ESR1: variants seen among roughly 807,000 people sequenced by gnomAD.
The protein encoded by ESR1 is estrogen receptor 1.
ESR1 carries 12 observed loss-of-function variants against 52.7 expected under a neutral mutation model. The ratio of observed to expected loss-of-function variants is 0.23; its 90% CI spans 0.15 to 0.37. The LOEUF is 0.37. Among genes scored for constraint, ESR1 ranks in the 10% least tolerant of loss-of-function variants. The pLI is 1.00. For synonymous variants in ESR1, 305 were observed against 316.8 expected, an observed-to-expected ratio of 0.96 and a Z score of 0.39; for missense variants, 584 against 779.7, an observed-to-expected ratio of 0.75 and a Z score of 2.99.
At chr6:151,901,318 C>G (rs1332784239) in intron 3 of ESR1, among the ~76,000 whole-genome samples, 3 of 152,182 alleles carry the variant, frequency 2.0e-5, no homozygotes, top group Non-Finnish European at 2.9e-5. Flanking sequence ...AGTTTGTTTG[C>G]AGGCAGCGGA....
At chr6:152,105,364 A>T (rs957288950), downstream of ESR1, among the ~76,000 whole-genome samples, 7 of 151,790 alleles carry the variant, frequency 4.6e-5, no homozygotes, top group Admixed American at 2.6e-4. Flanking sequence ...GAAAACCTTT[A>T]ACCTTTTCCC....
chr6:152,085,078 A>G (rs966256189), intron 6 of ESR1, among the ~76,000 whole-genome samples: 4 of 152,198 alleles, frequency 2.6e-5, no homozygotes, highest in Non-Finnish European at 5.9e-5. Context: ...TTGGTGTATC[A>G]GGTCAGGAGT....
chr6:152,010,679 A>C (rs1383346814), intron 4 of ESR1, among the ~76,000 whole-genome samples: 1 of 152,142 alleles, frequency 6.6e-6, no homozygotes, highest in Non-Finnish European at 1.5e-5. Flanking sequence ...TATAGTGTCC[A>C]TTGTGGTCAA....
intron 2 of ESR1, among the ~76,000 whole-genome samples, chr6:151,709,544 T>G (rs1780429974): frequency 6.6e-6 from 1 of 152,198 alleles, no homozygotes; most frequent in Admixed American, 6.5e-5. Context: ...GATTACTGTT[T>G]TCCATAGTGG....
At chr6:151,970,838 G>A (rs115938948) in intron 4 of ESR1, among the ~76,000 whole-genome samples, 1 of 152,210 alleles carries the variant, frequency 6.6e-6, no homozygotes, top group African/African-American at 2.4e-5. Flanking sequence ...CTCCCCTTCA[G>A]AGTGCCCATT....
At chr6:151,787,034 C>T (rs1004000300) in intron 2 of ESR1, among the ~76,000 whole-genome samples, 3 of 152,172 alleles carry the variant, frequency 2.0e-5, no homozygotes, top group Admixed American at 6.5e-5. Context: ...GTCGTGAACT[C>T]CTGACCTCAG....
upstream of ESR1, among the ~76,000 whole-genome samples, chr6:151,802,591 T>G (rs368716586): frequency 6.6e-6 from 1 of 152,242 alleles, no homozygotes; most frequent in African/African-American, 2.4e-5. Flanking sequence ...TTGTGAATCA[T>G]GCTGCCAAGA....
rs548035818 is a variant in ESR1, at chr6:152,029,711, C to T, written c.1235+17917C>T. Reference sequence around the variant, plus strand: ...GGGAGAATGGAACCAAGTTGGAAAACACTCTGCAGGATATTATCCAGGAGA... The same window carrying T: ...GGGAGAATGGAACCAAGTTGGAAAATACTCTGCAGGATATTATCCAGGAGA... On this transcript the variant is annotated intron_variant, in intron 5 of 7. Coordinates refer to ENST00000206249, the MANE Select transcript of ESR1 (RefSeq NM_000125.4). Among the ~76,000 whole-genome samples, 5 of 152,282 alleles carry T rather than the reference C, an allele frequency of 3.3e-5. No individual in the cohort carries two copies. In the South Asian group the frequency reaches 1.0e-3, roughly 32 times the overall value.
intron 5 of ESR1, among the ~76,000 whole-genome samples, chr6:152,023,723 T>G (rs2043885169): frequency 6.6e-6 from 1 of 152,236 alleles, no homozygotes; most frequent in Non-Finnish European, 1.5e-5. Context: ...CTTAATTTAT[T>G]TTCTCCAGCT....
intron 4 of ESR1, among the ~76,000 whole-genome samples, chr6:151,997,466 C>T (rs926699531): frequency 6.6e-6 from 1 of 152,016 alleles, no homozygotes; most frequent in Non-Finnish European, 1.5e-5. Flanking sequence ...CCCAGTGTTG[C>T]AAAATGAGTC....
At chr6:152,038,921 T>C (rs2045555623) in intron 5 of ESR1, among the ~76,000 whole-genome samples, 1 of 152,164 alleles carries the variant, frequency 6.6e-6, no homozygotes, top group Non-Finnish European at 1.5e-5. Flanking sequence ...TCCACCCACC[T>C]TGACCTCCCA....
At position 152,082,181 on chromosome 6, in the gene ESR1, A is replaced by G. The variant is rs542786091; in HGVS notation, c.1370-12204A>G. The stretch of plus-strand genomic sequence containing the variant: ...CAAAAAAAGAGAATTTTAGGCTAAT[A>G]TCCCTGATGAACATCGATGTGAAAA... On this transcript the variant is annotated intron_variant, in intron 6 of 7. Transcript: ENST00000206249. Among the ~76,000 whole-genome samples the G allele has an allele frequency of 2.6e-5, 4 of 152,342 alleles. No homozygotes were observed. The East Asian group carries it at 5.8e-4, about 22-fold the overall frequency.
At chr6:151,661,442 T>A (rs1363893702) in intron 1 of ESR1, among the ~76,000 whole-genome samples, 1 of 152,210 alleles carries the variant, frequency 6.6e-6, no homozygotes, top group Non-Finnish European at 1.5e-5. Context: ...AAGTCCTATG[T>A]CTTGTTTCCT....
intron 1 of ESR1, 74 bp from the exon 2 acceptor site, chr6:151,842,523 A>C: frequency 8.1e-7 from 1 of 1,237,368 alleles, no homozygotes; most frequent in South Asian, 1.3e-5. Context: ...GATAAAGTGG[A>C]TCTGCTGCAT....
intron 5 of ESR1, among the ~76,000 whole-genome samples, chr6:152,019,298 T>C (rs1417638416): frequency 6.6e-6 from 1 of 152,150 alleles, no homozygotes; most frequent in Non-Finnish European, 1.5e-5. Context: ...CACACACATA[T>C]TGGAATTCCA....
At chr6:152,092,501 G>A (rs1027631678) in intron 6 of ESR1, among the ~76,000 whole-genome samples, 5 of 152,118 alleles carry the variant, frequency 3.3e-5, no homozygotes, top group Admixed American at 1.3e-4. Flanking sequence ...CATGTTATCC[G>A]CATAAAGTCA....
intron 1 of ESR1, among the ~76,000 whole-genome samples, chr6:151,680,986 G>C (rs187211757): frequency 1.3e-3 from 193 of 152,220 alleles, no homozygotes; most frequent in African/African-American, 4.4e-3. Flanking sequence ...GGGAGGACTT[G>C]AGGCTCTCCT....
chr6:151,961,722 G>A (rs1357539283), intron 4 of ESR1, among the ~76,000 whole-genome samples: 1 of 152,176 alleles, frequency 6.6e-6, no homozygotes, highest in Non-Finnish European at 1.5e-5. Flanking sequence ...TGAACATGGG[G>A]CAGACAGTGT....
rs1012624868 is a variant in ESR1 at position 152,094,175 on chromosome 6, C to G, written c.1370-210C>G. 6.6e-6 allele frequency among the ~76,000 whole-genome samples: 1 copy of G among 152,202 alleles called. No homozygotes were observed. Among genetic ancestry groups the G allele is most frequent in the Non-Finnish European group, 1.5e-5 (1 of 68,036 alleles). On this transcript the variant is annotated intron_variant, in intron 6 of 7. Transcript: ENST00000206249. The surrounding 1 kb of genome is among the most constrained non-coding windows in gnomAD (Gnocchi z 4.6). ...GGGTCATGGCTCATACAAAGGAGCC[C>G]TCCTTGGTTTGCTGGTGCTCTGAGA...
Sources: gnomAD v4.1 joint callset for allele counts (sites outside exome capture counted in the v4.1 genomes callset) on GRCh38, gnomAD v4.1.1 for gene constraint, Gnocchi (gnomAD v3.1) non-coding constraint, MANE v1.5 for transcripts, NCBI Gene and HGNC (gene_info 2026-07-23, HGNC 2026-07-21) for gene names.